Variants in TIPIN observed in about 807,000 individuals in gnomAD.
The protein encoded by TIPIN is TIMELESS-interacting protein.
Under a neutral mutation model 35.6 loss-of-function variants are expected in TIPIN, and 29 were observed. That is an observed-to-expected ratio of 0.82 (90% CI 0.61 to 1.11). The LOEUF (loss-of-function observed/expected upper bound fraction) is 1.11. Ranked by LOEUF, TIPIN falls within the 50% of genes most tolerant of loss-of-function variation. TIPIN has a pLI of 0.00. For missense variants in TIPIN, 296 were observed against 345.4 expected, an observed-to-expected ratio of 0.86 and a Z score of 1.13; for synonymous variants, 102 against 121.5, an observed-to-expected ratio of 0.84 and a Z score of 1.06.
At chr15:66,361,998 A>C (rs2140479281) in intron 1 of TIPIN, among the ~76,000 whole-genome samples, 1 of 148,778 alleles carries the variant, frequency 6.7e-6, no homozygotes, top group East Asian at 2.0e-4. Context: ...AATAGAAAGA[A>C]ATTGAGGCTG....
intron 6 of TIPIN, 69 bp from the exon 7 acceptor site, chr15:66,341,425 G>C (rs1333697235): frequency 1.4e-6 from 2 of 1,421,828 alleles, no homozygotes; most frequent in Non-Finnish European, 1.9e-6. Context: ...CATTGAAAAA[G>C]AATTTAAAGT....
intron 1 of TIPIN, chr15:66,366,850 A>C: frequency 1.0e-6 from 1 of 985,202 alleles, no homozygotes; most frequent in Non-Finnish European, 1.2e-6. Context: ...GTGTGTCCAA[A>C]ATGCAGGGAG....
At chr15:66,352,730 C>T in intron 2 of TIPIN, 85 bp downstream of exon 2, 2 of 1,419,732 alleles carry the variant, frequency 1.4e-6, no homozygotes, top group Non-Finnish European at 9.3e-7. Flanking sequence ...ATCCGCCCGC[C>T]TCAGCATCCC....
At chr15:66,353,046 A>G (rs1595799822) in intron 1 of TIPIN, 91 bp from the exon 2 acceptor site, 5 of 1,298,390 alleles carry the variant, frequency 3.9e-6, no homozygotes, top group African/African-American at 1.5e-5. Context: ...ATGTGTTTCA[A>G]TCAGTTAGAC....
chr15:66,380,292 A>C (rs1445916127), intron 1 of TIPIN, among the ~76,000 whole-genome samples: 1 of 150,854 alleles, frequency 6.6e-6, no homozygotes, highest in Non-Finnish European at 1.5e-5. Flanking sequence ...GGCGTGAGCC[A>C]CTGCGCCCGG....
chr15:66,379,281 G>A (rs1385920496), intron 1 of TIPIN: 8 of 1,520,698 alleles, frequency 5.3e-6, no homozygotes, highest in Non-Finnish European at 7.0e-6. Context: ...AATATCACAA[G>A]TAGGTCTTAG....
rs62627324 is a variant in TIPIN, at chr15:66,341,068, TG to T, written c.682+81del. 6.8e-3 allele frequency: 8,419 copies of T among 1,239,086 alleles called. 333 individuals are homozygous for T. The Admixed American group carries it at 0.082, about 12-fold the overall frequency. The allele number at this position is 1,239,086 out of a possible 1,614,324, so 76.8% of individuals were successfully genotyped here. A position where few individuals can be genotyped will look rare whatever the true frequency, so the allele number is the denominator to read the frequency against. On this transcript the variant is annotated intron_variant, in intron 7 of 7. Coordinates refer to ENST00000261881, the MANE Select transcript of TIPIN (RefSeq NM_017858.3). ...TTCCACTCCTAGAAGTATTTTATTT[TG>T]GGGGCTAGCAGAGAAGTTAAAATTT...
intron 1 of TIPIN, among the ~76,000 whole-genome samples, chr15:66,379,069 T>G (rs2093308464): frequency 6.6e-6 from 1 of 152,072 alleles, no homozygotes; most frequent in Admixed American, 6.6e-5. Context: ...TTTTTTTTTT[T>G]GTAGAGATGG....
chr15:66,363,849 G>A (rs1248741881), intron 1 of TIPIN, among the ~76,000 whole-genome samples: 1 of 113,628 alleles, frequency 8.8e-6, no homozygotes, highest in Non-Finnish European at 1.8e-5. Flanking sequence ...GGAGGTGGTG[G>A]CAGGCGCCTG....
At chr15:66,339,847 A>G (rs555023925) in intron 7 of TIPIN, among the ~76,000 whole-genome samples, 1 of 152,224 alleles carries the variant, frequency 6.6e-6, no homozygotes, top group South Asian at 2.1e-4. Flanking sequence ...ACAGCTCACA[A>G]CCAAGTGACA....
chr15:66,354,691 A>G (rs755330343), intron 1 of TIPIN, among the ~76,000 whole-genome samples: 2 of 152,190 alleles, frequency 1.3e-5, no homozygotes, highest in Non-Finnish European at 2.9e-5. Flanking sequence ...TCTTTCCTTG[A>G]AAGAGCTATA....
chr15:66,372,322 AT>A (rs892120159), intron 1 of TIPIN, among the ~76,000 whole-genome samples: 5 of 152,252 alleles, frequency 3.3e-5, no homozygotes, highest in Admixed American at 6.5e-5. Flanking sequence ...AAAGAAAAAA[AT>A]AATATTACTT....
intron 1 of TIPIN, among the ~76,000 whole-genome samples, chr15:66,368,781 C>T (rs182108940): frequency 3.9e-5 from 6 of 152,132 alleles, no homozygotes; most frequent in East Asian, 1.9e-4. Context: ...ATAATCAAGA[C>T]GTTTAATTAG....
intron 1 of TIPIN, among the ~76,000 whole-genome samples, chr15:66,384,635 G>A (rs1010424264): frequency 2.0e-5 from 3 of 152,036 alleles, no homozygotes; most frequent in African/African-American, 4.8e-5. Context: ...AGTTCAGGCC[G>A]GGCGCAGTGG....
intron 7 of TIPIN, among the ~76,000 whole-genome samples, chr15:66,338,182 G>C (rs923658066): frequency 6.6e-5 from 10 of 151,348 alleles, no homozygotes; most frequent in Non-Finnish European, 1.0e-4. Context: ...CTTGAACCTA[G>C]GAGGCGGAGG....
intron 1 of TIPIN, among the ~76,000 whole-genome samples, chr15:66,375,499 T>TTA (rs71139487): frequency 0.027 from 3,641 of 132,716 alleles, 60 homozygotes; most frequent in East Asian, 0.084. Flanking sequence ...ATTGGAAAAG[T>TTA]TATATATATA....
chr15:66,366,954 G>T, intron 1 of TIPIN: 1 of 930,636 alleles, frequency 1.1e-6, no homozygotes, highest in Non-Finnish European at 1.3e-6. Context: ...GGCCAAGGCA[G>T]GTGATCACTC....
At chr15:66,358,154 A>G (rs1429570750), upstream of TIPIN, among the ~76,000 whole-genome samples, 1 of 152,164 alleles carries the variant, frequency 6.6e-6, no homozygotes, top group East Asian at 1.9e-4. Context: ...GTAAGTCCAA[A>G]TATATTTGTA....
chr15:66,380,436 G>T (rs963774569), intron 1 of TIPIN, among the ~76,000 whole-genome samples: 2 of 152,200 alleles, frequency 1.3e-5, no homozygotes, highest in African/African-American at 4.8e-5. Context: ...ACCAAAAATA[G>T]TTGTGTCCAG....
Sources: allele counts gnomAD v4.1 joint callset (sites outside exome capture counted in the v4.1 genomes callset), GRCh38; gene constraint gnomAD v4.1.1; transcripts MANE v1.5; gene names NCBI Gene and HGNC (gene_info 2026-07-23, HGNC 2026-07-21).